Variants in FLCN observed in about 807,000 individuals in gnomAD.
The protein encoded by FLCN is folliculin, also known as BHD skin lesion fibrofolliculoma protein.
FLCN carries 22 observed loss-of-function variants against 62.5 expected under a neutral mutation model. That is an observed-to-expected ratio of 0.35 (90% CI 0.25 to 0.50). The LOEUF is 0.50. FLCN is among the 20% of genes least tolerant of loss of function. The pLI is 0.97. For synonymous variants in FLCN, 319 were observed against 310.0 expected (o/e 1.03, Z -0.30); for missense variants, 657 against 778.0 (o/e 0.84, Z 1.85).
At position 17,216,555 on chromosome 17, in the gene FLCN, C is replaced by T. The variant is rs113005413; in HGVS notation, c.1177-52G>A. 34 of 1,609,524 alleles carry T rather than the reference C, an allele frequency of 2.1e-5. No homozygotes were observed. The highest frequency in any genetic ancestry group is 2.0e-4 in the African/African-American group (15 of 74,940). ...AAGGACACGAGGAAGCCCTCAGCCC[C>T]GGCCATCCATGCTCTACTACCCAAA... is the stretch of plus-strand genomic sequence containing the variant. On this transcript the variant is annotated intron_variant, in intron 10 of 13. Transcript: ENST00000285071. The surrounding 1 kb of genome is among the most constrained non-coding windows in gnomAD (Gnocchi z 4.0).
intron 3 of FLCN, among the ~76,000 whole-genome samples, chr17:17,230,287 T>C (rs1005044347): frequency 3.3e-5 from 5 of 151,990 alleles, no homozygotes; most frequent in Admixed American, 1.3e-4. Context: ...TCCCAACACT[T>C]TGGGAGGCTG....
chr17:17,219,565 C>CTTTTTTT, intron 8 of FLCN: 1 of 124,182 alleles, frequency 8.1e-6, no homozygotes, highest in Non-Finnish European at 1.5e-5. Flanking sequence ...TTTTTTTCCA[C>CTTTTTTT]TTTTTTTTTT....
chr17:17,226,820 C>T (rs1597614268), intron 4 of FLCN, among the ~76,000 whole-genome samples: 1 of 152,216 alleles, frequency 6.6e-6, no homozygotes, highest in South Asian at 2.1e-4. Context: ...CACCAAGCTC[C>T]AGGATGTTGG....
At chr17:17,218,166 C>T (rs1221161863) in intron 9 of FLCN, among the ~76,000 whole-genome samples, 1 of 152,158 alleles carries the variant, frequency 6.6e-6, no homozygotes, top group African/African-American at 2.4e-5. Context: ...AATCCAGCAA[C>T]CCACACCCCT....
At chr17:17,221,698 C>G in intron 7 of FLCN, 70 bp from the exon 8 acceptor site, 10 of 1,510,196 alleles carry the variant, frequency 6.6e-6, no homozygotes, top group Non-Finnish European at 9.0e-6. Context: ...TCACCCAGCC[C>G]CTGATCCTAC....
chr17:17,228,942 T>TTG (rs1417333953), intron 3 of FLCN: 39 of 152,354 alleles, frequency 2.6e-4, no homozygotes, highest in African/African-American at 9.4e-4. Flanking sequence ...TTCACTTGAA[T>TTG]AGGTTCACTC....
At chr17:17,227,524 C>G (rs2047288045) in intron 4 of FLCN, among the ~76,000 whole-genome samples, 1 of 152,024 alleles carries the variant, frequency 6.6e-6, no homozygotes, top group African/African-American at 2.4e-5. Context: ...GACCAGCCTG[C>G]CCAACATGGT....
chr17:17,235,584 G>A (rs1194783150), intron 1 of FLCN: 2 of 152,266 alleles, frequency 1.3e-5, no homozygotes, highest in Non-Finnish European at 1.5e-5. Flanking sequence ...AGAGCACTTA[G>A]CTTTGCGGTC....
intron 5 of FLCN, chr17:17,225,483 C>T (rs560841689): frequency 7.8e-5 from 12 of 153,868 alleles, no homozygotes; most frequent in Non-Finnish European, 1.6e-4. Flanking sequence ...GAGGCCGAGG[C>T]GGGCAAATCA....
Position 17,228,142 on chromosome 17 carries a change from C to G in FLCN, c.-5G>C. 1 of 1,612,276 alleles carries G rather than the reference C, an allele frequency of 6.2e-7. No individual in the cohort carries two copies. On this transcript the variant is annotated 5_prime_UTR_variant, in exon 4 of 14. Transcript: ENST00000285071. The stretch of plus-strand genomic sequence containing the variant: ...GAGAGCCACGATGGCATTCATGGTG[C>G]CTTGGAGACTGCAACAGGCCTGCGT...
At chr17:17,224,277 G>A in intron 5 of FLCN, 134 bp from the exon 6 acceptor site, 2 of 801,932 alleles carry the variant, frequency 2.5e-6, no homozygotes, top group South Asian at 3.0e-5. Flanking sequence ...GGCACAGTGG[G>A]GGCCATGAGA....
intron 6 of FLCN, 121 bp from the exon 7 acceptor site, chr17:17,222,782 T>G: frequency 1.7e-6 from 2 of 1,169,302 alleles, no homozygotes; most frequent in Non-Finnish European, 2.5e-6. Context: ...CTATACTCTC[T>G]CCATGCAGAG....
At chr17:17,224,260 G>A in intron 5 of FLCN, 117 bp from the exon 6 acceptor site, 1 of 932,670 alleles carries the variant, frequency 1.1e-6, no homozygotes, top group South Asian at 1.4e-5. Flanking sequence ...TTAATAACGG[G>A]GAGAGTGGCA....
In FLCN at chr17:17,221,376, C is replaced by T. The variant is rs1567815575; in HGVS notation, c.871+161G>A. 2.5e-6 allele frequency: 4 copies of T among 1,609,224 alleles called. No homozygotes were observed. In the African/African-American group the frequency reaches 4.0e-5, roughly 16 times the overall value. On this transcript the variant is annotated intron_variant, in intron 8 of 13. Coordinates refer to ENST00000285071, the MANE Select transcript of FLCN (RefSeq NM_144997.7). ...AGACAGGAAATCACAACAATCACAACAATCACACCGAGATCGGAGGGTGAG... is the reference window on the plus strand; with the variant it reads ...AGACAGGAAATCACAACAATCACAATAATCACACCGAGATCGGAGGGTGAG...
At chr17:17,217,549 G>A (rs1489378752) in intron 9 of FLCN, 2 of 357,676 alleles carry the variant, frequency 5.6e-6, no homozygotes, top group Admixed American at 3.9e-5. Flanking sequence ...GCAGCACCCA[G>A]GAGAATAAGG....
chr17:17,235,060 T>G (rs1230590355), intron 1 of FLCN, among the ~76,000 whole-genome samples: 3 of 142,992 alleles, frequency 2.1e-5, no homozygotes, highest in African/African-American at 7.9e-5. Context: ...TGCAGTGAGC[T>G]GATCGCACCA....
intron 9 of FLCN, among the ~76,000 whole-genome samples, chr17:17,218,669 C>A (rs2046995187): frequency 6.6e-6 from 1 of 152,174 alleles, no homozygotes; most frequent in African/African-American, 2.4e-5. Flanking sequence ...GTGAGAGCCA[C>A]CACGCCCAGC....
chr17:17,217,845 T>C (rs963540706), intron 9 of FLCN, among the ~76,000 whole-genome samples: 1 of 152,186 alleles, frequency 6.6e-6, no homozygotes, highest in Admixed American at 6.5e-5. Context: ...AAACCCAGCT[T>C]TGAAACACAA....
chr17:17,221,087 A>G, intron 8 of FLCN: 1 of 1,221,574 alleles, frequency 8.2e-7, no homozygotes, highest in Admixed American at 3.1e-5. Context: ...ACAGGGCCCC[A>G]AGCCCCAGAT....
Sources: allele counts gnomAD v4.1 joint callset (sites outside exome capture counted in the v4.1 genomes callset), GRCh38; gene constraint gnomAD v4.1.1; non-coding constraint Gnocchi (gnomAD v3.1); transcripts MANE v1.5; gene names NCBI Gene and HGNC (gene_info 2026-07-23, HGNC 2026-07-21).